The following ERBB4 variants were observed in gnomAD, a reference collection of about 807,000 sequenced individuals.
The protein encoded by ERBB4 is erb-b2 receptor tyrosine kinase 4, also known as receptor tyrosine-protein kinase erbB-4.
Under a neutral mutation model 158.0 loss-of-function variants are expected in ERBB4, and 42 were observed. The observed-to-expected ratio is 0.27, with a 90% CI of 0.21 to 0.34. The LOEUF is 0.34. Ranked by LOEUF, ERBB4 falls within the 10% of genes least tolerant of loss-of-function variation. The pLI, the probability that ERBB4 is intolerant of heterozygous loss-of-function variation, is 1.00. For synonymous variants in ERBB4, 583 were observed against 558.7 expected, an observed-to-expected ratio of 1.04 and a Z score of -0.61; for missense variants, 1,333 against 1,624.1, an observed-to-expected ratio of 0.82 and a Z score of 3.08.
chr2:212,143,793 G>A (rs960515497), intron 1 of ERBB4, among the ~76,000 whole-genome samples: 29 of 152,028 alleles, frequency 1.9e-4, no homozygotes, highest in African/African-American at 2.7e-4. Context: ...CGAGGCGGGC[G>A]GATCACAAGG....
At chr2:211,673,029 T>C (rs2071902072) in intron 14 of ERBB4, 135 bp downstream of exon 14, 1 of 743,330 alleles carries the variant, frequency 1.3e-6, no homozygotes, top group Non-Finnish European at 2.4e-6. Flanking sequence ...TTAAGCCTCT[T>C]GTAGGCAGAT....
At chr2:212,216,712 T>C (rs1237060452) in intron 1 of ERBB4, among the ~76,000 whole-genome samples, 4 of 151,460 alleles carry the variant, frequency 2.6e-5, no homozygotes, top group Middle Eastern at 3.4e-3. Flanking sequence ...TGTTATCTAC[T>C]ATAATTGTTC....
intron 1 of ERBB4, among the ~76,000 whole-genome samples, chr2:212,449,315 T>C (rs897426227): frequency 1.3e-5 from 2 of 152,168 alleles, no homozygotes; most frequent in African/African-American, 4.8e-5. Flanking sequence ...CAACGATAAG[T>C]ATCAGCAGAC....
chr2:211,675,525 A>G (rs1038885706), intron 13 of ERBB4, among the ~76,000 whole-genome samples: 3 of 151,978 alleles, frequency 2.0e-5, no homozygotes, highest in Non-Finnish European at 4.4e-5. Flanking sequence ...AAACTTTCAC[A>G]AGAGTTTAAG....
At chr2:212,393,613 T>C (rs925774577) in intron 1 of ERBB4, among the ~76,000 whole-genome samples, 1 of 152,072 alleles carries the variant, frequency 6.6e-6, no homozygotes, top group African/African-American at 2.4e-5. Context: ...ATGATACATA[T>C]GTATATATTA....
intron 19 of ERBB4, among the ~76,000 whole-genome samples, chr2:211,607,585 C>T (rs1005286245): frequency 6.6e-6 from 1 of 152,144 alleles, no homozygotes; most frequent in African/African-American, 2.4e-5. Context: ...CTGTGACGAA[C>T]TGGTCTCATA....
chr2:211,399,637 T>A (rs746956859), intron 25 of ERBB4, among the ~76,000 whole-genome samples: 65 of 152,324 alleles, frequency 4.3e-4, no homozygotes, highest in Middle Eastern at 3.4e-3. Context: ...CAAAGTTTTT[T>A]AAAAGTATTT....
At chr2:212,237,624 C>T (rs1025342569) in intron 1 of ERBB4, among the ~76,000 whole-genome samples, 1 of 152,202 alleles carries the variant, frequency 6.6e-6, no homozygotes, top group African/African-American at 2.4e-5. Context: ...AGGTCTGCTG[C>T]TCTCTTCAGA....
chr2:211,405,978 T>A (rs2063138666), intron 25 of ERBB4, among the ~76,000 whole-genome samples: 1 of 152,132 alleles, frequency 6.6e-6, no homozygotes, highest in Non-Finnish European at 1.5e-5. Flanking sequence ...TCCTGTTGTT[T>A]CTATCTCAAA....
intron 1 of ERBB4, among the ~76,000 whole-genome samples, chr2:212,393,295 G>A (rs2090932499): frequency 6.6e-6 from 1 of 151,948 alleles, no homozygotes; most frequent in African/African-American, 2.4e-5. Flanking sequence ...TTACCCTTAT[G>A]AGCTATCACA....
At chr2:211,490,103 A>G (rs2065302038) in intron 20 of ERBB4, among the ~76,000 whole-genome samples, 1 of 152,030 alleles carries the variant, frequency 6.6e-6, no homozygotes, top group African/African-American at 2.4e-5. Flanking sequence ...GCATTTGGCT[A>G]GTTTGGTCTT....
At chr2:211,763,344 A>G (rs957342411) in intron 4 of ERBB4, among the ~76,000 whole-genome samples, 48 of 152,178 alleles carry the variant, frequency 3.2e-4, no homozygotes, top group African/African-American at 1.2e-3. Context: ...TATCTCCTAT[A>G]TAAATTCATA....
intron 2 of ERBB4, among the ~76,000 whole-genome samples, chr2:212,086,140 A>G (rs1182005984): frequency 1.3e-5 from 2 of 151,912 alleles, no homozygotes; most frequent in Non-Finnish European, 2.9e-5. Context: ...TGGGGGGAAA[A>G]GTTAGTTTTA....
chr2:211,632,084 C>G (rs577012954), intron 16 of ERBB4, among the ~76,000 whole-genome samples: 3 of 152,054 alleles, frequency 2.0e-5, no homozygotes, highest in Admixed American at 6.5e-5. Flanking sequence ...GCAGAAAAAT[C>G]TAAAAAGGTA....
intron 1 of ERBB4, among the ~76,000 whole-genome samples, chr2:212,537,089 T>G (rs1182719608): frequency 6.6e-6 from 1 of 152,074 alleles, no homozygotes; most frequent in Admixed American, 6.5e-5. Context: ...AAGGTCATTT[T>G]GAAAGACTCG....
chr2:211,936,657 A>G (rs1443181277), intron 3 of ERBB4, among the ~76,000 whole-genome samples: 3 of 152,124 alleles, frequency 2.0e-5, no homozygotes. Flanking sequence ...TATAATAACA[A>G]TCTTCAGATC....
intron 3 of ERBB4, among the ~76,000 whole-genome samples, chr2:211,876,361 A>G (rs1490487670): frequency 6.6e-6 from 1 of 152,188 alleles, no homozygotes; most frequent in Non-Finnish European, 1.5e-5. Context: ...CACTTAAAGA[A>G]TGGCAAGACA....
At chr2:211,525,825 G>A (rs1278011675) in intron 20 of ERBB4, among the ~76,000 whole-genome samples, 2 of 152,128 alleles carry the variant, frequency 1.3e-5, no homozygotes, top group Non-Finnish European at 2.9e-5. Context: ...CCATGGGCCT[G>A]TAGTGGTGGT....
Position 211,944,779 on chromosome 2 carries a change from CAG to C in ERBB4, c.421+2649_421+2650del, listed in dbSNP as rs546655518. Among the ~76,000 whole-genome samples the C allele has an allele frequency of 6.0e-3, 912 of 152,200 alleles. 4 individuals are homozygous for C. Among genetic ancestry groups the C allele is most frequent in the Non-Finnish European group, 9.8e-3 (665 of 67,992 alleles). ...CACACAAGTTGCTGGGCCCCACCCCCAGAGTTTCTCATTCAGTAGGTTTCAGG... is the reference window on the plus strand; with the variant it reads ...CACACAAGTTGCTGGGCCCCACCCCCAGTTTCTCATTCAGTAGGTTTCAGG... On this transcript the variant is annotated intron_variant, in intron 3 of 27. Transcript: ENST00000342788.
Sources: allele counts gnomAD v4.1 joint callset (sites outside exome capture counted in the v4.1 genomes callset), GRCh38; gene constraint gnomAD v4.1.1; transcripts MANE v1.5; gene names NCBI Gene and HGNC (gene_info 2026-07-23, HGNC 2026-07-21).